The following CSMD1 variants were observed in gnomAD, a reference collection of about 807,000 sequenced individuals.
CSMD1 encodes the protein CUB and Sushi multiple domains 1.
A neutral mutation model predicts 417.5 loss-of-function variants in CSMD1; 213 were observed. The ratio of observed to expected loss-of-function variants is 0.51; its 90% CI spans 0.46 to 0.57. CSMD1 has a LOEUF of 0.57. Among genes scored for constraint, CSMD1 ranks in the 20% least tolerant of loss-of-function variants. The pLI is 0.00. For missense variants in CSMD1, 6,923 were observed against 4,529.7 expected (o/e 1.53, Z -15.17); for synonymous variants, 2,862 against 1,736.8 (o/e 1.65, Z -16.11).
Position 3,705,179 on chromosome 8 carries a change from C to T in CSMD1, c.1009+3235G>A, listed in dbSNP as rs561059280. 1.2e-3 allele frequency among the ~76,000 whole-genome samples: 180 copies of T among 152,274 alleles called. 3 individuals are homozygous for T. The Middle Eastern group carries it at 0.024, about 20-fold the overall frequency. On this transcript the variant is annotated intron_variant, in intron 7 of 69. Coordinates refer to ENST00000635120, the MANE Select transcript of CSMD1 (RefSeq NM_033225.6). ...GGGCAGTGGCAGGGGAAGGAGTCGC[C>T]ACTGAGCTGTGGCTGCTTTCTGCAC...
intron 2 of CSMD1, among the ~76,000 whole-genome samples, chr8:4,590,986 A>G (rs1404847428): frequency 6.6e-6 from 1 of 152,184 alleles, no homozygotes; most frequent in African/African-American, 2.4e-5. Context: ...TTTAGTCTTC[A>G]TATCTCACCT....
chr8:3,401,733 CT>C (rs140511193), intron 15 of CSMD1, among the ~76,000 whole-genome samples: 3,771 of 152,178 alleles, frequency 0.025, 127 homozygotes, highest in South Asian at 0.13. Flanking sequence ...ATCAAAGACG[CT>C]GACCCAGAAG....
chr8:3,647,941 T>A (rs1360857994), intron 7 of CSMD1, among the ~76,000 whole-genome samples: 3 of 152,262 alleles, frequency 2.0e-5, no homozygotes. Flanking sequence ...AAGAGACATG[T>A]GCCACTTCAT....
chr8:4,423,351 T>A (rs1205546243), intron 2 of CSMD1, among the ~76,000 whole-genome samples: 2 of 152,118 alleles, frequency 1.3e-5, no homozygotes, highest in Non-Finnish European at 2.9e-5. Flanking sequence ...TAATACTTGA[T>A]ATCATCAAAC....
chr8:3,324,000 C>T (rs1356079793), intron 23 of CSMD1, among the ~76,000 whole-genome samples: 3 of 143,404 alleles, frequency 2.1e-5, no homozygotes, highest in African/African-American at 7.9e-5. Context: ...AGACACACAT[C>T]TAACCCCCAG....
intron 2 of CSMD1, among the ~76,000 whole-genome samples, chr8:4,444,694 G>A (rs185530312): frequency 8.5e-5 from 13 of 152,230 alleles, no homozygotes; most frequent in African/African-American, 2.9e-4. Flanking sequence ...TCAAAAAGCA[G>A]GGTCACTCTA....
At chr8:4,301,872 C>T (rs62478604) in intron 3 of CSMD1, among the ~76,000 whole-genome samples, 9,862 of 72,620 alleles carry the variant, frequency 0.14, 400 homozygotes, top group Non-Finnish European at 0.17. Flanking sequence ...CCAAGCTTCA[C>T]CATAAATTTG....
chr8:3,533,716 A>T (rs1798073756), intron 10 of CSMD1, among the ~76,000 whole-genome samples: 1 of 152,170 alleles, frequency 6.6e-6, no homozygotes, highest in African/African-American at 2.4e-5. Flanking sequence ...GTGATGTATC[A>T]TCCTGGAACT....
At chr8:4,646,745 C>G (rs1759353820) in intron 1 of CSMD1, among the ~76,000 whole-genome samples, 1 of 152,126 alleles carries the variant, frequency 6.6e-6, no homozygotes, top group South Asian at 2.1e-4. Flanking sequence ...GTTAAAAAGT[C>G]ATACTAAAAC....
chr8:3,138,745 C>T (rs1585447311), intron 41 of CSMD1, among the ~76,000 whole-genome samples: 1 of 152,106 alleles, frequency 6.6e-6, no homozygotes, highest in East Asian at 1.9e-4. Context: ...TTCAGAGGGG[C>T]AAGTGAGAAT....
chr8:3,151,550 C>T (rs1162319449), intron 39 of CSMD1, 37 bp from the exon 40 acceptor site: 6 of 1,326,410 alleles, frequency 4.5e-6, no homozygotes, highest in Non-Finnish European at 6.4e-6. Flanking sequence ...TGCAGGTCCT[C>T]ACTTTCTCCC....
chr8:3,333,248 G>C (rs375984935), intron 23 of CSMD1, among the ~76,000 whole-genome samples: 17 of 152,204 alleles, frequency 1.1e-4, no homozygotes, highest in Non-Finnish European at 2.4e-4. Context: ...CAGCCAAGCC[G>C]TGTCTGGGCT....
intron 1 of CSMD1, among the ~76,000 whole-genome samples, chr8:4,694,415 G>T (rs2116780991): frequency 6.6e-6 from 1 of 152,094 alleles, no homozygotes; most frequent in South Asian, 2.1e-4. Context: ...GCAGTCGTGT[G>T]ATCTTGGGTC....
intron 3 of CSMD1, among the ~76,000 whole-genome samples, chr8:4,351,593 GAA>G (rs1801096865): frequency 6.6e-6 from 1 of 152,190 alleles, no homozygotes; most frequent in Admixed American, 6.5e-5. Context: ...CAAAAATCCT[GAA>G]AGAGACTTCA....
intron 1 of CSMD1, among the ~76,000 whole-genome samples, chr8:4,992,501 G>C (rs1811525324): frequency 6.6e-6 from 1 of 152,164 alleles, no homozygotes; most frequent in South Asian, 2.1e-4. Context: ...GGGAAGTTTT[G>C]CGGAGTTGCG....
intron 9 of CSMD1, among the ~76,000 whole-genome samples, chr8:3,583,597 G>A (rs1441666866): frequency 6.6e-6 from 1 of 152,086 alleles, no homozygotes; most frequent in South Asian, 2.1e-4. Context: ...TCTTGCTGCT[G>A]ATACTAAAAC....
chr8:3,450,055 G>C (rs562265633), intron 12 of CSMD1, among the ~76,000 whole-genome samples: 2 of 152,136 alleles, frequency 1.3e-5, no homozygotes, highest in African/African-American at 4.8e-5. Context: ...TTCCCTGGTT[G>C]AGACACATAC....
chr8:3,168,676 G>A (rs561201885), intron 37 of CSMD1, among the ~76,000 whole-genome samples: 26 of 148,658 alleles, frequency 1.7e-4, no homozygotes, highest in East Asian at 6.3e-4. Flanking sequence ...TATGGAAAAC[G>A]CCATTAATAA....
chr8:4,752,586 C>A (rs571064607), intron 1 of CSMD1, among the ~76,000 whole-genome samples: 1 of 152,132 alleles, frequency 6.6e-6, no homozygotes, highest in East Asian at 1.9e-4. Context: ...GAATTAAATG[C>A]ATGAGTGAAA....
Sources: gnomAD v4.1 joint callset for allele counts (sites outside exome capture counted in the v4.1 genomes callset) on GRCh38, gnomAD v4.1.1 for gene constraint, MANE v1.5 for transcripts, NCBI Gene and HGNC (gene_info 2026-07-23, HGNC 2026-07-21) for gene names.